The following FRY variants were observed in gnomAD, a reference collection of about 807,000 sequenced individuals.
FRY encodes the protein FRY microtubule binding protein.
A neutral mutation model predicts 348.4 loss-of-function variants in FRY; 128 were observed. That is an observed-to-expected ratio of 0.37 (90% CI 0.32 to 0.43). The LOEUF (loss-of-function observed/expected upper bound fraction) is 0.43. Among genes scored for constraint, FRY ranks in the 20% least tolerant of loss-of-function variants. The pLI is 1.00. For synonymous variants in FRY, 1,370 were observed against 1,374.7 expected (o/e 1.00, Z 0.08); for missense variants, 2,736 against 3,695.2 (o/e 0.74, Z 6.73).
At chr13:32,065,158 CT>C (rs1428101395) in intron 1 of FRY, among the ~76,000 whole-genome samples, 1 of 152,036 alleles carries the variant, frequency 6.6e-6, no homozygotes, top group Non-Finnish European at 1.5e-5. Context: ...TGAGTCTTAT[CT>C]TTTAAAAAAT....
intron 14 of FRY, among the ~76,000 whole-genome samples, chr13:32,150,707 T>C (rs204561): frequency 0.24 from 36,012 of 152,060 alleles, 4,418 homozygotes; most frequent in Middle Eastern, 0.35. Flanking sequence ...ATCAAATACA[T>C]AGAGAGTTCC....
intron 7 of FRY, among the ~76,000 whole-genome samples, chr13:32,127,142 C>G (rs1401993165): frequency 6.6e-6 from 1 of 152,146 alleles, no homozygotes; most frequent in Non-Finnish European, 1.5e-5. Context: ...CTGGTAGATT[C>G]ATTTAAATAG....
At chr13:32,151,828 C>T (rs146827752) in intron 14 of FRY, among the ~76,000 whole-genome samples, 3 of 152,004 alleles carry the variant, frequency 2.0e-5, no homozygotes, top group East Asian at 3.9e-4. Flanking sequence ...GAAATAAAAG[C>T]GTATAGATTG....
intron 28 of FRY, among the ~76,000 whole-genome samples, chr13:32,189,161 T>C (rs1435382585): frequency 6.6e-6 from 1 of 152,096 alleles, no homozygotes; most frequent in Non-Finnish European, 1.5e-5. Flanking sequence ...TCACTATTCT[T>C]CCACCCAAGC....
At chr13:32,265,411 T>C (rs1311405733) in intron 53 of FRY, 39 bp from the exon 54 acceptor site, 5 of 1,605,628 alleles carry the variant, frequency 3.1e-6, no homozygotes, top group Non-Finnish European at 4.3e-6. Context: ...TATGTTTTCT[T>C]ACACATTGGG....
Position 32,211,042 on chromosome 13 carries a change from G to A in FRY, c.4591+8G>A. ...CTTCCGCAGCAGCCTCAGGTAAGAA[G>A]AGCAACCGGGCAGACACCTGGTCAC... On this transcript the variant is annotated splice_region_variant and intron_variant, in intron 34 of 60. Transcript: ENST00000542859. 1 of 1,613,624 alleles carries A rather than the reference G, an allele frequency of 6.2e-7. No individual in the cohort carries two copies. Among genetic ancestry groups the A allele is most frequent in the East Asian group, 2.2e-5 (1 of 44,886 alleles).
chr13:32,207,895 C>A (rs1884446450), intron 31 of FRY, among the ~76,000 whole-genome samples: 1 of 152,086 alleles, frequency 6.6e-6, no homozygotes, highest in African/African-American at 2.4e-5. Context: ...TGTATGAGAC[C>A]AAGCTTTCTA....
At chr13:32,184,334 C>T (rs1233543372) in intron 24 of FRY, among the ~76,000 whole-genome samples, 8 of 152,206 alleles carry the variant, frequency 5.3e-5, no homozygotes, top group Non-Finnish European at 1.2e-4. Context: ...TCAGCAGACA[C>T]TGGGAGCATC....
At chr13:32,254,726 C>T (rs140843645) in intron 51 of FRY, among the ~76,000 whole-genome samples, 3 of 152,262 alleles carry the variant, frequency 2.0e-5, no homozygotes, top group Non-Finnish European at 2.9e-5. Flanking sequence ...AGTTCTTAGC[C>T]TGTTCACTGG....
intron 17 of FRY, among the ~76,000 whole-genome samples, chr13:32,164,825 C>G (rs1386430279): frequency 6.6e-6 from 1 of 152,308 alleles, no homozygotes; most frequent in East Asian, 1.9e-4. Context: ...TCGTTCTCCT[C>G]TCCTAGATAG....
chr13:32,108,028 A>G (rs1391287642), intron 3 of FRY, among the ~76,000 whole-genome samples: 1 of 152,232 alleles, frequency 6.6e-6, no homozygotes, highest in East Asian at 1.9e-4. Context: ...GTGCATGTGT[A>G]TATGTATATA....
rs958781615 is a variant in FRY at position 32,117,431 on chromosome 13, A to C, written c.422A>C (p.Glu141Ala). The C allele has an allele frequency of 6.2e-7, 1 of 1,613,680 alleles. No homozygotes were observed. The highest frequency in any genetic ancestry group is 1.3e-5 in the African/African-American group (1 of 74,928). The part of the protein sequence containing the change: ...WYKRQNGIED[E>A]SHEYRPRTSN... ...AAAAGGCAAAATGGCATTGAGGATG[A>C]ATCACATGAATACAGACCAAGAACA... is the stretch of plus-strand genomic sequence containing the variant. The change falls in exon 4 of 61, where the codon GAA becomes GCA. Residue 141 changes from glutamate (E) to alanine (A), a missense_variant. Glu to Ala is a moderately radical substitution (Grantham distance 107, BLOSUM62 -1). Around this residue, in one of 9 missense-constraint regions of FRY, gnomAD observed 309 missense variants for 418.1 expected, o/e 0.74. Coordinates refer to ENST00000542859, the MANE Select transcript of FRY (RefSeq NM_023037.3).
chr13:32,137,864 G>A (rs1331291109), intron 11 of FRY, among the ~76,000 whole-genome samples: 1 of 152,046 alleles, frequency 6.6e-6, no homozygotes, highest in Non-Finnish European at 1.5e-5. Flanking sequence ...ATTTGGTGAA[G>A]TAGTTAAGAT....
At chr13:32,271,928 G>A (rs1421812785) in intron 55 of FRY, among the ~76,000 whole-genome samples, 1 of 152,082 alleles carries the variant, frequency 6.6e-6, no homozygotes, top group Non-Finnish European at 1.5e-5. Flanking sequence ...GGGCCCTGGG[G>A]GGACTCATTT....
chr13:32,049,689 G>A (rs1593559855), intron 1 of FRY, among the ~76,000 whole-genome samples: 3 of 152,172 alleles, frequency 2.0e-5, no homozygotes, highest in African/African-American at 4.8e-5. Flanking sequence ...CAATCACTGC[G>A]AGAATGACCC....
chr13:32,230,920 C>T (rs1885874594), intron 40 of FRY, among the ~76,000 whole-genome samples: 1 of 152,078 alleles, frequency 6.6e-6, no homozygotes. Flanking sequence ...TGATGTTGAG[C>T]TTTTTTTATA....
chr13:32,032,890 G>A (rs1872315782), intron 1 of FRY, among the ~76,000 whole-genome samples: 1 of 152,192 alleles, frequency 6.6e-6, no homozygotes, highest in African/African-American at 2.4e-5. Context: ...CAAAGAGCTA[G>A]TGATTAATTG....
In FRY at chr13:32,197,151, T is replaced by C. The variant is rs191474482; in HGVS notation, c.3746+2854T>C. ...GTTTAATAGATATTTTAGAATTGTA[T>C]GTAAGAACAAAGTGCAAAGTGTTGA... On this transcript the variant is annotated intron_variant, in intron 29 of 60. Coordinates refer to ENST00000542859, the MANE Select transcript of FRY (RefSeq NM_023037.3). 3.8e-3 allele frequency among the ~76,000 whole-genome samples: 582 copies of C among 152,356 alleles called. 3 individuals are homozygous for C. The highest frequency in any genetic ancestry group is 0.013 in the African/African-American group (559 of 41,580).
intron 31 of FRY, among the ~76,000 whole-genome samples, chr13:32,206,201 A>C (rs11618748): frequency 1.3e-5 from 2 of 152,160 alleles, no homozygotes. Context: ...TGGAGAGAGC[A>C]CAGAGTGGAA....
Sources: allele counts gnomAD v4.1 joint callset (sites outside exome capture counted in the v4.1 genomes callset), GRCh38; gene constraint gnomAD v4.1.1; regional missense constraint gnomAD v4.1.1; transcripts MANE v1.5; gene names NCBI Gene and HGNC (gene_info 2026-07-23, HGNC 2026-07-21).